NELL2: variants seen among roughly 807,000 people sequenced by gnomAD.
The protein encoded by NELL2 is neural EGFL like 2.
A neutral mutation model predicts 109.6 loss-of-function variants in NELL2; 41 were observed. That is an observed-to-expected ratio of 0.37 (90% CI 0.29 to 0.49). NELL2 has a LOEUF of 0.49. Ranked by LOEUF, NELL2 falls within the 20% of genes least tolerant of loss-of-function variation. The probability of loss-of-function intolerance (pLI) is 0.98; values close to 1 mark genes in which losing one functional copy is unlikely to be tolerated. For missense variants in NELL2, 900 were observed against 1,008.3 expected, an observed-to-expected ratio of 0.89 and a Z score of 1.45; for synonymous variants, 355 against 344.7, an observed-to-expected ratio of 1.03 and a Z score of -0.33.
intron 13 of NELL2, among the ~76,000 whole-genome samples, chr12:44,644,608 G>GTGTATATATATATATATA (rs1461808442): frequency 3.3e-5 from 3 of 90,830 alleles, no homozygotes; most frequent in Non-Finnish European, 6.0e-5. Flanking sequence ...ATATATGTAT[G>GTGTATATATATATATATA]TATATATATA....
At chr12:44,664,786 A>T (rs1266170414) in intron 13 of NELL2, among the ~76,000 whole-genome samples, 1 of 151,974 alleles carries the variant, frequency 6.6e-6, no homozygotes, top group Non-Finnish European at 1.5e-5. Flanking sequence ...TCACACCCAC[A>T]TTTCCTCAAA....
At chr12:44,677,813 C>T (rs1948367303) in intron 12 of NELL2, among the ~76,000 whole-genome samples, 1 of 152,036 alleles carries the variant, frequency 6.6e-6, no homozygotes, top group Non-Finnish European at 1.5e-5. Context: ...TTTAACTAAA[C>T]AACTGGGTGG....
chr12:44,790,995 G>A (rs1261237451), intron 3 of NELL2, among the ~76,000 whole-genome samples: 89 of 142,286 alleles, frequency 6.3e-4, no homozygotes, highest in African/African-American at 2.1e-3. Context: ...CCTAACACTG[G>A]AGCTCCCAAA....
At chr12:44,671,622 G>A (rs1195452979) in intron 12 of NELL2, among the ~76,000 whole-genome samples, 2 of 152,124 alleles carry the variant, frequency 1.3e-5, no homozygotes, top group Non-Finnish European at 2.9e-5. Context: ...GATCATAAAA[G>A]ACTATTATGA....
intron 1 of NELL2, among the ~76,000 whole-genome samples, chr12:44,908,296 C>T (rs1450200554): frequency 6.6e-6 from 1 of 151,794 alleles, no homozygotes; most frequent in East Asian, 1.9e-4. Flanking sequence ...AGGGTATGTA[C>T]AGGGGAATTC....
intron 12 of NELL2, among the ~76,000 whole-genome samples, chr12:44,671,650 A>C (rs1331998156): frequency 6.6e-6 from 1 of 152,214 alleles, no homozygotes; most frequent in Non-Finnish European, 1.5e-5. Flanking sequence ...CATGTTAATA[A>C]ATTTAAAAAC....
intron 9 of NELL2, among the ~76,000 whole-genome samples, chr12:44,729,406 G>A (rs1247503609): frequency 6.6e-6 from 1 of 151,506 alleles, no homozygotes; most frequent in East Asian, 1.9e-4. Context: ...AAAAATCAAG[G>A]AAACACAAAG....
chr12:44,829,596 A>G (rs1450558), intron 2 of NELL2, among the ~76,000 whole-genome samples: 146,942 of 152,256 alleles, frequency 0.97, 71,015 homozygotes, highest in South Asian at 1. Flanking sequence ...AAGAAAAGAA[A>G]AAACCTTGAG....
chr12:44,919,290 G>A (rs1327203361), intron 1 of NELL2, among the ~76,000 whole-genome samples: 1 of 151,708 alleles, frequency 6.6e-6, no homozygotes, highest in Non-Finnish European at 1.5e-5. Flanking sequence ...GAAGATAAAT[G>A]GTGCTCAGCA....
chr12:44,770,759 ACT>A (rs937796748), intron 9 of NELL2, among the ~76,000 whole-genome samples: 1 of 152,174 alleles, frequency 6.6e-6, no homozygotes, highest in Admixed American at 6.5e-5. Context: ...GTATTTGAGA[ACT>A]CTCTAACAAT....
chr12:44,518,782 G>T (rs1941396054), intron 19 of NELL2, among the ~76,000 whole-genome samples: 2 of 152,136 alleles, frequency 1.3e-5, no homozygotes, highest in South Asian at 4.1e-4. Context: ...AGTCATTAGT[G>T]CTAAGTTTCA....
intron 12 of NELL2, among the ~76,000 whole-genome samples, chr12:44,683,534 C>T (rs1948603713): frequency 6.6e-6 from 1 of 151,998 alleles, no homozygotes; most frequent in Non-Finnish European, 1.5e-5. Context: ...TTTGCCCATT[C>T]AGTATGATAT....
chr12:44,563,046 C>A (rs1242010834), intron 15 of NELL2, among the ~76,000 whole-genome samples: 1 of 152,172 alleles, frequency 6.6e-6, no homozygotes, highest in Non-Finnish European at 1.5e-5. Flanking sequence ...AACCATCATT[C>A]TCAGCAAACT....
Position 44,553,797 on chromosome 12 carries a change from GACATTGT to G in NELL2, c.1664-21083_1664-21077del, listed in dbSNP as rs377004345. Among the ~76,000 whole-genome samples the G allele has an allele frequency of 2.9e-3, 449 of 152,250 alleles. 2 individuals are homozygous for G. Among genetic ancestry groups the G allele is most frequent in the Non-Finnish European group, 5.5e-3 (372 of 68,006 alleles). Reference sequence around the variant, plus strand: ...TAATACCACGGAGGACAATGAATTGGACATTGTGAGAATATAGGATTTAAATGTTCCA... The same window carrying G: ...TAATACCACGGAGGACAATGAATTGGGAGAATATAGGATTTAAATGTTCCA... On this transcript the variant is annotated intron_variant, in intron 15 of 19. Transcript: ENST00000429094.
intron 2 of NELL2, among the ~76,000 whole-genome samples, chr12:44,822,012 C>T (rs1197177722): frequency 6.6e-6 from 1 of 151,702 alleles, no homozygotes; most frequent in Non-Finnish European, 1.5e-5. Context: ...GTGATCTGCC[C>T]GCCTCGGCCT....
At chr12:44,578,939 T>C (rs1288962751) in intron 15 of NELL2, among the ~76,000 whole-genome samples, 23 of 152,214 alleles carry the variant, frequency 1.5e-4, no homozygotes, top group Admixed American at 1.5e-3. Context: ...ACTTAGTTTT[T>C]TTCTCAAAGG....
chr12:44,697,043 G>C (rs1949081423), intron 12 of NELL2, among the ~76,000 whole-genome samples: 1 of 152,130 alleles, frequency 6.6e-6, no homozygotes, highest in Admixed American at 6.5e-5. Flanking sequence ...GGCATATAAC[G>C]AATGTAACCA....
intron 12 of NELL2, among the ~76,000 whole-genome samples, chr12:44,697,575 T>A (rs1949104233): frequency 6.6e-6 from 1 of 152,212 alleles, no homozygotes; most frequent in African/African-American, 2.4e-5. Flanking sequence ...TATTTGAGGA[T>A]GTGTTGTATA....
intron 1 of NELL2, among the ~76,000 whole-genome samples, chr12:44,897,171 C>T (rs1036237956): frequency 5.9e-5 from 9 of 152,140 alleles, no homozygotes; most frequent in Admixed American, 1.3e-4. Context: ...TAGTAGAATA[C>T]CCATCAGGGT....
Sources: gnomAD v4.1 joint callset for allele counts (sites outside exome capture counted in the v4.1 genomes callset) on GRCh38, gnomAD v4.1.1 for gene constraint, MANE v1.5 for transcripts, NCBI Gene and HGNC (gene_info 2026-07-23, HGNC 2026-07-21) for gene names.